Variants in GRIA1 observed in about 807,000 individuals in gnomAD.
The protein encoded by GRIA1 is glutamate receptor 1.
GRIA1 carries 31 observed loss-of-function variants against 99.2 expected under a neutral mutation model. The observed-to-expected ratio is 0.31, with a 90% confidence interval of 0.23 to 0.42. The LOEUF (loss-of-function observed/expected upper bound fraction) is 0.42, where lower values mean the gene tolerates loss of function less well. Among genes scored for constraint, GRIA1 ranks in the 10% least tolerant of loss-of-function variants. The probability of loss-of-function intolerance (pLI) is 1.00; values close to 1 mark genes in which losing one functional copy is unlikely to be tolerated. For synonymous variants in GRIA1, 438 were observed against 432.4 expected (o/e 1.01, Z -0.16); for missense variants, 782 against 1,157.5 (o/e 0.68, Z 4.71).
In GRIA1 at chr5:153,511,704, G is replaced by C. The variant is rs1269501839; in HGVS notation, c.220+17639G>C. On this transcript the variant is annotated intron_variant, in intron 2 of 15. Transcript: ENST00000285900. The stretch of plus-strand genomic sequence containing the variant: ...TTATCTGCAGTCAGGTAGCAGCCAG[G>C]TCACGATGCTAACACAGAACTTTTG... 5.9e-5 allele frequency among the ~76,000 whole-genome samples: 9 copies of C among 152,174 alleles called. 1 individual carries two copies.
intron 5 of GRIA1, among the ~76,000 whole-genome samples, chr5:153,669,111 A>G (rs760093797): frequency 1.3e-5 from 2 of 152,208 alleles, no homozygotes; most frequent in Non-Finnish European, 2.9e-5. Context: ...TCATTTATGC[A>G]AATAAGTATT....
chr5:153,721,501 T>G (rs1760067402), intron 11 of GRIA1, among the ~76,000 whole-genome samples: 1 of 152,208 alleles, frequency 6.6e-6, no homozygotes. Context: ...CTCAGGTAAC[T>G]CTTTTTGTCT....
At chr5:153,619,593 C>T (rs1208021914) in intron 2 of GRIA1, among the ~76,000 whole-genome samples, 1 of 151,710 alleles carries the variant, frequency 6.6e-6, no homozygotes, top group African/African-American at 2.4e-5. Context: ...AAATGGAAGG[C>T]TTATAAAGGC....
intron 11 of GRIA1, among the ~76,000 whole-genome samples, chr5:153,752,269 C>A (rs1247149459): frequency 8.5e-5 from 13 of 152,126 alleles, no homozygotes; most frequent in Admixed American, 8.5e-4. Context: ...CGTTCTCCCA[C>A]CCCTGCACCT....
At chr5:153,781,639 G>T (rs1764637488) in intron 13 of GRIA1, among the ~76,000 whole-genome samples, 1 of 152,110 alleles carries the variant, frequency 6.6e-6, no homozygotes, top group Non-Finnish European at 1.5e-5. Context: ...TGCTGTGCCT[G>T]GTCTGTCTGA....
chr5:153,536,877 A>G (rs961138445), intron 2 of GRIA1, among the ~76,000 whole-genome samples: 2 of 152,210 alleles, frequency 1.3e-5, no homozygotes, highest in African/African-American at 4.8e-5. Context: ...GAGACAGGTC[A>G]TCTTTGTGGT....
At chr5:153,578,912 A>G (rs1185961975) in intron 2 of GRIA1, among the ~76,000 whole-genome samples, 1 of 152,088 alleles carries the variant, frequency 6.6e-6, no homozygotes, top group African/African-American at 2.4e-5. Flanking sequence ...CATCTCAAAA[A>G]TAAATAAATA....
At chr5:153,775,457 G>A (rs1764161894) in intron 13 of GRIA1, among the ~76,000 whole-genome samples, 1 of 152,164 alleles carries the variant, frequency 6.6e-6, no homozygotes, top group Non-Finnish European at 1.5e-5. Flanking sequence ...CATGTGTCTT[G>A]TTTATGCCAG....
chr5:153,694,972 G>A (rs1267886617), intron 8 of GRIA1, among the ~76,000 whole-genome samples: 1 of 150,752 alleles, frequency 6.6e-6, no homozygotes, highest in Non-Finnish European at 1.5e-5. Context: ...TGAACAAGAA[G>A]GAGGAGAAAG....
chr5:153,809,920 T>C (rs1766700339), intron 15 of GRIA1, among the ~76,000 whole-genome samples: 2 of 152,140 alleles, frequency 1.3e-5, no homozygotes. Context: ...TTGGTCCCAT[T>C]GACAATTCTT....
intron 7 of GRIA1, among the ~76,000 whole-genome samples, chr5:153,683,711 A>G (rs1311069613): frequency 6.6e-6 from 1 of 152,064 alleles, no homozygotes; most frequent in Non-Finnish European, 1.5e-5. Context: ...TTTAGATTTT[A>G]TTTTTCATAA....
intron 15 of GRIA1, 54 bp from the exon 16 acceptor site, chr5:153,810,971 C>T (rs1274663815): frequency 1.6e-6 from 2 of 1,258,170 alleles, no homozygotes; most frequent in Non-Finnish European, 2.3e-6. Flanking sequence ...GACTCATTCC[C>T]ATTGCCTGTC....
intron 11 of GRIA1, among the ~76,000 whole-genome samples, chr5:153,721,897 T>G (rs1760097493): frequency 6.6e-6 from 1 of 152,158 alleles, no homozygotes; most frequent in Admixed American, 6.5e-5. Flanking sequence ...CTGGGTCAAC[T>G]TATATATATT....
chr5:153,727,624 C>T (rs1365632195), intron 11 of GRIA1, among the ~76,000 whole-genome samples: 1 of 152,146 alleles, frequency 6.6e-6, no homozygotes, highest in Non-Finnish European at 1.5e-5. Context: ...CATGAGTGAA[C>T]TCCCATTCAC....
rs533521208 is a variant in GRIA1, at chr5:153,676,997, A to G, written c.865A>G (p.Thr289Ala). The part of the protein sequence containing the change: ...TRVDWKRPKY[T>A]SALTYDGVKV... ...CTGTCTCCATTCCTCCCACTAGTACACCTCTGCGCTCACCTACGATGGGGT... is the reference window on the plus strand; with the variant it reads ...CTGTCTCCATTCCTCCCACTAGTACGCCTCTGCGCTCACCTACGATGGGGT... The change falls in exon 7 of 16, where the codon ACC (threonine) becomes GCC (alanine). Residue 289 changes from threonine to alanine, a missense_variant. Physicochemically the swap from Thr to Ala is moderately conservative, Grantham distance 58. This residue lies in a region of GRIA1 where 461 missense variants were observed against 521.7 expected (regional missense o/e 0.88). Transcript: ENST00000285900. 4 of 1,427,806 alleles carry G rather than the reference A, an allele frequency of 2.8e-6. No homozygotes were observed. The highest frequency in any genetic ancestry group is 3.7e-6 in the Non-Finnish European group (4 of 1,078,040). 88.4% of individuals were successfully genotyped at this position (1,427,806 alleles called of 1,614,324 possible). A position where few individuals can be genotyped will look rare whatever the true frequency, so the allele number is the denominator to read the frequency against.
chr5:153,772,971 C>T (rs1763979683), intron 13 of GRIA1, among the ~76,000 whole-genome samples: 1 of 152,120 alleles, frequency 6.6e-6, no homozygotes, highest in African/African-American at 2.4e-5. Context: ...CCATCCCACA[C>T]ATAGTTTCCT....
At chr5:153,509,751 T>A (rs1755880226) in intron 2 of GRIA1, among the ~76,000 whole-genome samples, 1 of 152,180 alleles carries the variant, frequency 6.6e-6, no homozygotes, top group African/African-American at 2.4e-5. Flanking sequence ...CTTTTACAGT[T>A]GTGCAGATTG....
At chr5:153,552,306 C>T (rs182796610) in intron 2 of GRIA1, among the ~76,000 whole-genome samples, 2 of 152,134 alleles carry the variant, frequency 1.3e-5, no homozygotes, top group African/African-American at 4.8e-5. Context: ...GGGTAACAGC[C>T]GAATGCTGGC....
At chr5:153,675,372 C>A (rs1222584058) in intron 6 of GRIA1, among the ~76,000 whole-genome samples, 3 of 152,226 alleles carry the variant, frequency 2.0e-5, no homozygotes, top group African/African-American at 7.2e-5. Flanking sequence ...AGTCCACTCT[C>A]AGTAATCAGG....
Sources: allele counts gnomAD v4.1 joint callset (sites outside exome capture counted in the v4.1 genomes callset), GRCh38; gene constraint gnomAD v4.1.1; regional missense constraint gnomAD v4.1.1; transcripts MANE v1.5; gene names NCBI Gene and HGNC (gene_info 2026-07-23, HGNC 2026-07-21).